The following ITGA2B variants were observed in gnomAD, a reference collection of about 807,000 sequenced individuals.
ITGA2B encodes the protein integrin alpha-IIb.
A neutral mutation model predicts 142.0 loss-of-function variants in ITGA2B; 91 were observed. The observed-to-expected ratio is 0.64, with a 90% CI of 0.54 to 0.76. The LOEUF (loss-of-function observed/expected upper bound fraction) is 0.76. ITGA2B is among the 30% of genes least tolerant of loss of function. The pLI, the probability that ITGA2B is intolerant of heterozygous loss-of-function variation, is 0.00. For synonymous variants in ITGA2B, 536 were observed against 567.2 expected (o/e 0.94, Z 0.78); for missense variants, 1,231 against 1,350.8 (o/e 0.91, Z 1.39).
intron 1 of ITGA2B, among the ~76,000 whole-genome samples, chr17:44,387,112 T>C (rs1367512123): frequency 6.6e-6 from 1 of 152,128 alleles, no homozygotes; most frequent in East Asian, 1.9e-4. Context: ...ATGGGATCAC[T>C]ACTTATAGGA....
At chr17:44,385,457 C>A in intron 4 of ITGA2B, 94 bp downstream of exon 4, 1 of 1,525,236 alleles carries the variant, frequency 6.6e-7, no homozygotes. Context: ...GAGGCCAGAT[C>A]CAAAGCAAGG....
chr17:44,376,209 G>C, intron 23 of ITGA2B, 25 bp from the exon 24 acceptor site: 1 of 1,614,000 alleles, frequency 6.2e-7, no homozygotes, highest in Non-Finnish European at 8.5e-7. Context: ...GACCCCCAGA[G>C]AGAGTGTGAT....
Position 44,388,205 on chromosome 17 carries a change from T to TCATTA in ITGA2B, c.188+1076_188+1080dup, listed in dbSNP as rs550815259. Reference sequence around the variant, plus strand: ...GATTCTGAAGCCTGATCAATACTAATCATTAATGACCTATTGCTTCTTTTC... The same window carrying TCATTA: ...GATTCTGAAGCCTGATCAATACTAATCATTACATTAATGACCTATTGCTTCTTTTC... On this transcript the variant is annotated intron_variant, in intron 1 of 29. Transcript: ENST00000262407. Among the ~76,000 whole-genome samples, 501 of 152,278 alleles carry TCATTA rather than the reference T, an allele frequency of 3.3e-3. 4 individuals are homozygous for TCATTA. Among genetic ancestry groups the TCATTA allele is most frequent in the Non-Finnish European group, 6.1e-3 (418 of 68,020 alleles).
At position 44,379,830 on chromosome 17, in the gene ITGA2B, G is replaced by A; in HGVS notation, c.1753-16C>T. 2 of 1,613,770 alleles carry A rather than the reference G, an allele frequency of 1.2e-6. No individual in the cohort carries two copies. The highest frequency in any genetic ancestry group is 1.7e-6 in the Non-Finnish European group (2 of 1,179,960). On this transcript the variant is annotated splice_polypyrimidine_tract_variant and intron_variant, in intron 17 of 29. Transcript: ENST00000262407. ...CTGCCTCATCCTAGGACAGGGGCAAGAGTCAGGCCATCTTGCTACCATACA... is the reference window on the plus strand; with the variant it reads ...CTGCCTCATCCTAGGACAGGGGCAAAAGTCAGGCCATCTTGCTACCATACA...
intron 18 of ITGA2B, among the ~76,000 whole-genome samples, chr17:44,379,473 C>CT (rs980160396): frequency 4.6e-5 from 7 of 151,968 alleles, no homozygotes; most frequent in Admixed American, 2.6e-4. Flanking sequence ...AGGTTGGTCT[C>CT]TAACTCCTGA....
At position 44,377,038 on chromosome 17, in the gene ITGA2B, C is replaced by A; in HGVS notation, c.2238G>T (p.Glu746Asp). 6.3e-7 allele frequency: 1 copy of A among 1,592,502 alleles called. No homozygotes were observed. Among genetic ancestry groups the A allele is most frequent in the Non-Finnish European group, 8.5e-7 (1 of 1,169,874 alleles). ...VSVGNLEEAG[E>D]SVSFQLQIRS... ...GTATCTGCAGCTGGAAGGACACAGA[C>A]TCCCCAGCCTCTTCCAGATTCCCCA... Residue 746 changes from glutamate to aspartate, a missense_variant, in exon 22 of 30, where the codon GAG becomes GAT. Around this residue, in one of 3 missense-constraint regions of ITGA2B, gnomAD observed 908 missense variants for 1,021.1 expected, o/e 0.89. Transcript: ENST00000262407.
In ITGA2B at chr17:44,383,894, C is replaced by T. The variant is rs920120714; in HGVS notation, c.998G>A (p.Gly333Glu). Residue 333 changes from glycine to glutamate, a missense_variant and splice_region_variant, in exon 11 of 30, where the codon GGG becomes GAG. Physicochemically the swap from Gly to Glu is moderately conservative, Grantham distance 98 (BLOSUM62 -2). Coordinates refer to ENST00000262407, the MANE Select transcript of ITGA2B (RefSeq NM_000419.5). ...SVAVTDVNGD[G>E]RHDLLVGAPL... ...AGGGGTGGGGCATGTCCCTCCTCAC[C>T]CATCCCCGTTGACGTCAGTGACAGC... 3.1e-6 allele frequency: 5 copies of T among 1,613,484 alleles called. No homozygotes were observed. In the Admixed American group the frequency reaches 5.0e-5, roughly 16 times the overall value.
Position 44,385,824 on chromosome 17 carries a change from C to G in ITGA2B, c.408G>C (p.Val136=), listed in dbSNP as rs1400938437. 1 of 1,604,604 alleles carries G rather than the reference C, an allele frequency of 6.2e-7. No homozygotes were observed. The highest frequency in any genetic ancestry group is 8.5e-7 in the Non-Finnish European group (1 of 1,175,340). The change falls in exon 3 of 30, where the codon GTG becomes GTC. Residue 136 remains valine (V), a splice_region_variant and synonymous_variant. Coordinates refer to ENST00000262407, the MANE Select transcript of ITGA2B (RefSeq NM_000419.5). ...ASVVSWSDVI[V]ACAPWQHWNV... ...CTGTGCCCTGTACCGCGGGGCCCAC[C>G]ACAATGACGTCGCTCCAGCTGACGA...
intron 12 of ITGA2B, among the ~76,000 whole-genome samples, chr17:44,381,392 C>T (rs916718096): frequency 3.3e-5 from 5 of 151,354 alleles, no homozygotes; most frequent in Admixed American, 6.6e-5. Flanking sequence ...TGCAGTGGTG[C>T]GATCTCGGCT....
Position 44,386,115 on chromosome 17 carries a change from C to G in ITGA2B, c.205G>C (p.Gly69Arg). The change falls in exon 2 of 30, where the codon GGC (glycine) becomes CGC (arginine). Residue 69 changes from glycine to arginine, a missense_variant. Coordinates refer to ENST00000262407, the MANE Select transcript of ITGA2B (RefSeq NM_000419.5). ...CTGGGGCCCAGGGTCCGCGGGGCGC[C>G]CACCACGATGGCCACTCTGCATAGG... ...DSHGRVAIVVGAPRTLGPSQE... is the reference protein window; with the variant it reads ...DSHGRVAIVVRAPRTLGPSQE... The G allele has an allele frequency of 1.2e-6, 2 of 1,601,720 alleles. No homozygotes were observed. The highest frequency in any genetic ancestry group is 8.5e-7 in the Non-Finnish European group (1 of 1,176,434).
In ITGA2B at chr17:44,383,912, G is replaced by C. The variant is rs1369640036; in HGVS notation, c.980C>G (p.Thr327Ser). The change falls in exon 11 of 30, where the codon ACT (threonine) becomes AGT (serine). Residue 327 changes from threonine (T) to serine (S), a missense_variant. Coordinates refer to ENST00000262407, the MANE Select transcript of ITGA2B (RefSeq NM_000419.5). The stretch of plus-strand genomic sequence containing the variant: ...TCCTCACCCATCCCCGTTGACGTCA[G>C]TGACAGCCACTGAATGCCCAAAATA... The part of the protein sequence containing the change: ...ASYFGHSVAV[T>S]DVNGDGRHDL... 6.2e-7 allele frequency: 1 copy of C among 1,614,046 alleles called. No homozygotes were observed.
chr17:44,384,102 G>T lies in ITGA2B; in HGVS notation c.928C>A (p.Arg310=). The T allele has an allele frequency of 6.2e-6, 10 of 1,613,706 alleles. No homozygotes were observed. The highest frequency in any genetic ancestry group is 8.5e-6 in the Non-Finnish European group (10 of 1,179,916). ...GCCCCCACCTGCTCTCCGCGCAGCC[G>T]ATGCAGCCTCTGGTAGTAGGAATCC... ...ILDSYYQRLH[R]LRGEQMASYF... Residue 310 remains arginine (R), a synonymous_variant, in exon 10 of 30, where the codon CGG becomes AGG. Transcript: ENST00000262407.
chr17:44,383,741 A>T, intron 11 of ITGA2B, 37 bp from the exon 12 acceptor site: 1 of 1,555,846 alleles, frequency 6.4e-7, no homozygotes, highest in East Asian at 2.4e-5. Flanking sequence ...GGACTGGACC[A>T]GGGGTATATT....
At chr17:44,383,005 G>C (rs993283078) in intron 12 of ITGA2B, among the ~76,000 whole-genome samples, 2 of 152,012 alleles carry the variant, frequency 1.3e-5, no homozygotes, top group African/African-American at 2.4e-5. Flanking sequence ...TTGTGGAAGC[G>C]GGGAGAGCCA....
In ITGA2B at chr17:44,383,626, C is replaced by T; in HGVS notation, c.1077G>A (p.Val359=). The change falls in exon 12 of 30, where the codon GTG becomes GTA. Residue 359 remains valine, a synonymous_variant. Transcript: ENST00000262407. Reference sequence around the variant, plus strand: ...GGCCTCGCGGCTGCAGGAACAAATACACACGCCCCACTTCGGCCAGTTTTC... The same window carrying T: ...GGCCTCGCGGCTGCAGGAACAAATATACACGCCCCACTTCGGCCAGTTTTC... ...ADRKLAEVGR[V]YLFLQPRGPH... 1 of 1,605,710 alleles carries T rather than the reference C, an allele frequency of 6.2e-7. No individual in the cohort carries two copies.
At chr17:44,388,355 T>C (rs951699414) in intron 1 of ITGA2B, among the ~76,000 whole-genome samples, 31 of 143,142 alleles carry the variant, frequency 2.2e-4, no homozygotes, top group Non-Finnish European at 3.2e-4. Flanking sequence ...TCCTTTCTTT[T>C]TTTTTTTTTT....
At chr17:44,384,259 C>T in intron 9 of ITGA2B, 52 bp downstream of exon 9, 2 of 1,609,928 alleles carry the variant, frequency 1.2e-6, no homozygotes, top group Non-Finnish European at 1.7e-6. Context: ...GAGTTGTCAG[C>T]CTGAGAACTG....
rs1390662930 is a variant in ITGA2B, at chr17:44,375,686, A to AGGGGCT, written c.2626_2631dup (p.Ser878_Pro879dup). On this transcript the variant is annotated inframe_insertion, in exon 26 of 30. Coordinates refer to ENST00000262407, the MANE Select transcript of ITGA2B (RefSeq NM_000419.5). ...TTGTGATGGGCCGGGTGAATGGGGG[A>AGGGGCT]GGGGCTGGGGATGGGCAGCCCCCAG... The AGGGGCT allele has an allele frequency of 4.4e-6, 7 of 1,594,672 alleles. No individual in the cohort carries two copies. Among genetic ancestry groups the AGGGGCT allele is most frequent in the Non-Finnish European group, 5.1e-6 (6 of 1,168,900 alleles).
Position 44,385,706 on chromosome 17 carries a change from G to C in ITGA2B, c.419C>G (p.Pro140Arg), listed in dbSNP as rs1326259084. The change falls in exon 4 of 30, where the codon CCC becomes CGC. Residue 140 changes from proline to arginine, a missense_variant. Around this residue, in one of 3 missense-constraint regions of ITGA2B, gnomAD observed 318 missense variants for 312.2 expected, o/e 1.02. Transcript: ENST00000262407. ...SWSDVIVACA[P>R]WQHWNVLEKT... is the part of the protein sequence containing the mutation. ...TTCTAGGACGTTCCAGTGCTGCCAG[G>C]GGGCGCAGGCCTGGAGAAAGGCCAC... 6.2e-7 allele frequency: 1 copy of C among 1,613,674 alleles called. No homozygotes were observed. The highest frequency in any genetic ancestry group is 1.1e-5 in the South Asian group (1 of 91,082).
Sources: allele counts gnomAD v4.1 joint callset (sites outside exome capture counted in the v4.1 genomes callset), GRCh38; gene constraint gnomAD v4.1.1; regional missense constraint gnomAD v4.1.1; transcripts MANE v1.5; gene names NCBI Gene and HGNC (gene_info 2026-07-23, HGNC 2026-07-21).